Variants in TBX5 observed in about 807,000 individuals in gnomAD.
TBX5 encodes T-box transcription factor TBX5.
Under a neutral mutation model 51.1 loss-of-function variants are expected in TBX5, and 8 were observed. That is an observed-to-expected ratio of 0.16 (90% CI 0.09 to 0.28). The LOEUF is 0.28. Among genes scored for constraint, TBX5 ranks in the 10% least tolerant of loss-of-function variants. The pLI is 1.00. For missense variants in TBX5, 589 were observed against 671.7 expected (o/e 0.88, Z 1.36); for synonymous variants, 302 against 266.4 (o/e 1.13, Z -1.30).
chr12:114,387,561 A>G (rs1006903042), intron 6 of TBX5, among the ~76,000 whole-genome samples: 1 of 151,992 alleles, frequency 6.6e-6, no homozygotes, highest in African/African-American at 2.4e-5. Context: ...TTGTGAAACT[A>G]CTCCCTATGA....
chr12:114,359,519 G>A (rs1467748065), intron 8 of TBX5, among the ~76,000 whole-genome samples: 1 of 152,188 alleles, frequency 6.6e-6, no homozygotes, highest in Admixed American at 6.5e-5. Context: ...TCAGAAAGTT[G>A]CATATTAAGA....
chr12:114,403,235 T>C (rs1456474393), intron 2 of TBX5, among the ~76,000 whole-genome samples: 1 of 152,046 alleles, frequency 6.6e-6, no homozygotes, highest in Non-Finnish European at 1.5e-5. Context: ...GCAAGACAAA[T>C]GGTGCGGCGC....
rs907509181 is a variant in TBX5 at position 114,399,496 on chromosome 12, G to A, written c.362+17C>T. The A allele has an allele frequency of 1.9e-6, 3 of 1,613,472 alleles. No individual in the cohort carries two copies. Among genetic ancestry groups the A allele is most frequent in the Middle Eastern group, 1.7e-4 (1 of 6,060 alleles). On this transcript the variant is annotated intron_variant, in intron 4 of 8. Coordinates refer to ENST00000405440, the MANE Select transcript of TBX5 (RefSeq NM_181486.4). ...ACTTTTCTCTCTCCCCGCTCCACCT[G>A]CCACCCCAGTGCCTACCATTTATTA...
intron 7 of TBX5, among the ~76,000 whole-genome samples, chr12:114,371,675 G>A (rs940151041): frequency 1.3e-5 from 2 of 151,026 alleles, no homozygotes; most frequent in African/African-American, 4.9e-5. Flanking sequence ...GGGGCAAGGC[G>A]AGGGACTGTG....
At chr12:114,382,311 C>CTCAA (rs941984204) in intron 7 of TBX5, among the ~76,000 whole-genome samples, 9 of 152,146 alleles carry the variant, frequency 5.9e-5, no homozygotes, top group Admixed American at 4.6e-4. Context: ...GAGGCCCTGT[C>CTCAA]TCAATCAATC....
chr12:114,407,015 CT>C, upstream of TBX5: 2 of 982,342 alleles, frequency 2.0e-6, no homozygotes, highest in Non-Finnish European at 2.4e-6. Flanking sequence ...CCCCATCATA[CT>C]GATTTTTCTA....
intron 8 of TBX5, among the ~76,000 whole-genome samples, chr12:114,363,941 C>G (rs1869375312): frequency 6.6e-6 from 1 of 152,224 alleles, no homozygotes; most frequent in Non-Finnish European, 1.5e-5. Context: ...CATCTGGTCT[C>G]CAGTCCATCC....
At position 114,399,535 on chromosome 12, in the gene TBX5, A is replaced by G. The variant is rs757586102; in HGVS notation, c.340T>C (p.Tyr114His). 1.2e-6 allele frequency: 2 copies of G among 1,613,958 alleles called. No individual in the cohort carries two copies. The highest frequency in any genetic ancestry group is 1.7e-6 in the Non-Finnish European group (2 of 1,179,974). The change falls in exon 4 of 9, where the codon TAC becomes CAC. Residue 114 changes from tyrosine to histidine, a missense_variant. Physicochemically the swap from Tyr to His is moderately conservative, Grantham distance 83 (BLOSUM62 2). Coordinates refer to ENST00000405440, the MANE Select transcript of TBX5 (RefSeq NM_181486.4). The stretch of plus-strand genomic sequence containing the variant: ...TACCATTTATTATCTGCGAATTTGT[A>G]TCTGTGATCGTCGGCAGGTACAATG... ...MDIVPADDHR[Y>H]KFADNKWSVT...
rs960462250 is a variant in TBX5 at position 114,355,394 on chromosome 12, G to A, written c.*138C>T. The stretch of plus-strand genomic sequence containing the variant: ...GATTAGATCAGCATCCAGCGACCTT[G>A]AGTGCAGATGTGAACATTGGGTGAA... On this transcript the variant is annotated 3_prime_UTR_variant, in exon 9 of 9. Coordinates refer to ENST00000405440, the MANE Select transcript of TBX5 (RefSeq NM_181486.4). The A allele has an allele frequency of 9.4e-7, 1 of 1,062,710 alleles. No individual in the cohort carries two copies. Among genetic ancestry groups the A allele is most frequent in the African/African-American group, 1.6e-5 (1 of 63,656 alleles). The allele number at this position is 1,062,710 out of a possible 1,614,324, so 65.8% of individuals were successfully genotyped here.
At chr12:114,385,654 T>A in intron 6 of TBX5, 87 bp from the exon 7 acceptor site, 2 of 1,144,890 alleles carry the variant, frequency 1.7e-6, no homozygotes, top group Non-Finnish European at 2.6e-6. Context: ...ATAAATATCA[T>A]GGAAATGCAG....
At chr12:114,390,336 T>C (rs1314628449) in intron 6 of TBX5, among the ~76,000 whole-genome samples, 1 of 152,238 alleles carries the variant, frequency 6.6e-6, no homozygotes, top group Non-Finnish European at 1.5e-5. Context: ...CACAAACTGA[T>C]ACACCTGGAT....
intron 8 of TBX5, among the ~76,000 whole-genome samples, chr12:114,360,802 G>A (rs190921665): frequency 6.6e-6 from 1 of 152,102 alleles, no homozygotes; most frequent in East Asian, 1.9e-4. Flanking sequence ...TTTTGTTGTT[G>A]TTGTTTTTGT....
At chr12:114,401,750 T>C (rs1476235607) in intron 3 of TBX5, 76 bp downstream of exon 3, 1 of 1,424,470 alleles carries the variant, frequency 7.0e-7, no homozygotes, top group African/African-American at 1.4e-5. Context: ...CCTTCTTCTC[T>C]TCCAAGCCAC....
intron 6 of TBX5, among the ~76,000 whole-genome samples, chr12:114,390,092 T>C (rs1295610564): frequency 3.3e-5 from 5 of 152,186 alleles, no homozygotes; most frequent in Non-Finnish European, 7.3e-5. Context: ...CTTGCAAAAA[T>C]ATGATTGCAC....
chr12:114,365,904 G>A (rs1869503220), intron 8 of TBX5, among the ~76,000 whole-genome samples: 3 of 151,910 alleles, frequency 2.0e-5, no homozygotes, highest in African/African-American at 7.3e-5. Context: ...GTGTATGTGT[G>A]CATAAATGAA....
intron 4 of TBX5, 120 bp downstream of exon 4, chr12:114,399,393 C>A: frequency 7.1e-7 from 1 of 1,413,914 alleles, no homozygotes; most frequent in Admixed American, 1.7e-5. Context: ...CGGACAGACG[C>A]CTTTAGCACA....
At chr12:114,403,117 G>A (rs1022836967) in intron 2 of TBX5, among the ~76,000 whole-genome samples, 1 of 152,266 alleles carries the variant, frequency 6.6e-6, no homozygotes, top group African/African-American at 2.4e-5. Context: ...CCCTCTGCCT[G>A]GGCCCAGGTT....
upstream of TBX5, chr12:114,408,338 G>A (rs1329371633): frequency 1.3e-5 from 6 of 473,652 alleles, no homozygotes; most frequent in Non-Finnish European, 1.7e-5. Flanking sequence ...TAGGAAGGGG[G>A]AGAGGAGGGA....
At position 114,355,575 on chromosome 12, in the gene TBX5, A is replaced by G; in HGVS notation, c.1514T>C (p.Val505Ala). ...CTCTGGCACCATGCCAACTCCGTGC[A>G]CAGAGTGGTACTGATGAGGGGATAG... ...RTLSPHQYHS[V>A]HGVGMVPEWS... Residue 505 changes from valine to alanine, a missense_variant, in exon 9 of 9, where the codon GTG becomes GCG. By Grantham distance (64) the Val-to-Ala change is moderately conservative. Transcript: ENST00000405440. 1 of 1,614,190 alleles carries G rather than the reference A, an allele frequency of 6.2e-7. No individual in the cohort carries two copies.
Sources: allele counts gnomAD v4.1 joint callset (sites outside exome capture counted in the v4.1 genomes callset), GRCh38; gene constraint gnomAD v4.1.1; transcripts MANE v1.5; gene names NCBI Gene and HGNC (gene_info 2026-07-23, HGNC 2026-07-21).